The following EHMT1 variants were observed in gnomAD, a reference collection of about 807,000 sequenced individuals.
EHMT1 encodes euchromatic histone lysine methyltransferase 1, also known as histone-lysine N-methyltransferase EHMT1.
Under a neutral mutation model 147.2 loss-of-function variants are expected in EHMT1, and 15 were observed. That is an observed-to-expected ratio of 0.10 (90% CI 0.07 to 0.16). The LOEUF is 0.16. Among genes scored for constraint, EHMT1 ranks in the 10% least tolerant of loss-of-function variants. The pLI, the probability that EHMT1 is intolerant of heterozygous loss-of-function variation, is 1.00. For synonymous variants in EHMT1, 795 were observed against 709.6 expected, an observed-to-expected ratio of 1.12 and a Z score of -1.91; for missense variants, 1,587 against 1,772.4, an observed-to-expected ratio of 0.90 and a Z score of 1.88.
At chr9:137,801,074 T>C in intron 18 of EHMT1, 90 bp downstream of exon 18, 1 of 1,145,268 alleles carries the variant, frequency 8.7e-7, no homozygotes, top group Admixed American at 1.9e-5. Context: ...AGCAGAACCC[T>C]GGCACCTGGT....
At chr9:137,704,849 CCCTTT>C (rs1438173773) in intron 1 of EHMT1, among the ~76,000 whole-genome samples, 1 of 127,550 alleles carries the variant, frequency 7.8e-6, no homozygotes, top group East Asian at 2.6e-4. Context: ...TCCTTTCCTT[CCCTTT>C]CCTTTCTTTG....
intron 25 of EHMT1, among the ~76,000 whole-genome samples, chr9:137,826,479 C>A (rs1955820595): frequency 2.6e-5 from 4 of 152,224 alleles, no homozygotes; most frequent in Admixed American, 2.6e-4. Flanking sequence ...GTTCCTGGGG[C>A]CTGTCTCAGT....
At chr9:137,651,454 T>C (rs906489340) in intron 1 of EHMT1, among the ~76,000 whole-genome samples, 5 of 152,164 alleles carry the variant, frequency 3.3e-5, no homozygotes, top group African/African-American at 1.2e-4. Context: ...TCTCTGTCAG[T>C]GATGGACAAC....
intron 1 of EHMT1, among the ~76,000 whole-genome samples, chr9:137,686,329 T>C (rs887089973): frequency 2.0e-5 from 3 of 152,144 alleles, no homozygotes; most frequent in African/African-American, 7.2e-5. Flanking sequence ...TTGTAAGAGT[T>C]TTATAGTTTT....
Position 137,790,833 on chromosome 9 carries a change from C to T in EHMT1, c.2383-15C>T, listed in dbSNP as rs1325938168. 6.2e-7 allele frequency: 1 copy of T among 1,614,198 alleles called. No individual in the cohort carries two copies. Among genetic ancestry groups the T allele is most frequent in the South Asian group, 1.1e-5 (1 of 91,086 alleles). On this transcript the variant is annotated splice_polypyrimidine_tract_variant and intron_variant, in intron 15 of 26. Coordinates refer to ENST00000460843, the MANE Select transcript of EHMT1 (RefSeq NM_024757.5). ...GTCACAGCCCTCCCATACACCTGAACTGTTGTTTCACTAGGCGGGCGCTAA... is the reference window on the plus strand; with the variant it reads ...GTCACAGCCCTCCCATACACCTGAATTGTTGTTTCACTAGGCGGGCGCTAA...
In EHMT1 at chr9:137,776,947, C is replaced by G. The variant is rs1032227298; in HGVS notation, c.2018+103C>G. 3.7e-6 allele frequency: 4 copies of G among 1,079,940 alleles called. No individual in the cohort carries two copies. Among genetic ancestry groups the G allele is most frequent in the African/African-American group, 1.6e-5 (1 of 63,512 alleles). 66.9% of individuals were successfully genotyped at this position (1,079,940 alleles called of 1,614,324 possible). A position where few individuals can be genotyped will look rare whatever the true frequency, so the allele number is the denominator to read the frequency against. On this transcript the variant is annotated intron_variant, in intron 12 of 26. Coordinates refer to ENST00000460843, the MANE Select transcript of EHMT1 (RefSeq NM_024757.5). The surrounding 1 kb of genome is among the most constrained non-coding windows in gnomAD (Gnocchi z 4.4). Reference sequence around the variant, plus strand: ...TTCCTGCTGTTTTTTCCAGAAGTCTCTGAGCTGATGCTGATGCTTATGGTG... The same window carrying G: ...TTCCTGCTGTTTTTTCCAGAAGTCTGTGAGCTGATGCTGATGCTTATGGTG...
intron 17 of EHMT1, among the ~76,000 whole-genome samples, chr9:137,800,090 C>T (rs3934534): frequency 0.28 from 42,047 of 152,076 alleles, 6,141 homozygotes; most frequent in Admixed American, 0.39. Context: ...GGAGATGTAG[C>T]TTTAATCGTG....
In EHMT1 at chr9:137,763,118, T is replaced by G. The variant is rs1949960806; in HGVS notation, c.1647+298T>G. The stretch of plus-strand genomic sequence containing the variant: ...TTTGTCAAGGTTTTTCCTACCTTGC[T>G]ATAAACAAAGTGAGTAGATTGAGGC... On this transcript the variant is annotated intron_variant, in intron 10 of 26. Transcript: ENST00000460843. 1.5e-5 allele frequency: 9 copies of G among 588,526 alleles called. No individual in the cohort carries two copies. The South Asian group carries it at 1.8e-4, about 12-fold the overall frequency. 36.5% of individuals were successfully genotyped at this position (588,526 alleles called of 1,614,324 possible).
chr9:137,723,523 C>T (rs368103320), intron 3 of EHMT1, among the ~76,000 whole-genome samples: 36 of 67,678 alleles, frequency 5.3e-4, no homozygotes, highest in African/African-American at 1.3e-3. Flanking sequence ...GGGGTGTGTC[C>T]GTGTCTGTGG....
At chr9:137,645,329 T>G (rs1006437719) in intron 1 of EHMT1, among the ~76,000 whole-genome samples, 7 of 152,318 alleles carry the variant, frequency 4.6e-5, no homozygotes, top group Admixed American at 6.5e-5. Context: ...AGGGTGAATA[T>G]TTTTGGAATT....
chr9:137,768,740 G>A (rs927734926), intron 10 of EHMT1, among the ~76,000 whole-genome samples: 4 of 150,908 alleles, frequency 2.7e-5, no homozygotes, highest in South Asian at 2.1e-4. Flanking sequence ...TAGTAGAGAC[G>A]GGGTTTCACC....
intron 18 of EHMT1, among the ~76,000 whole-genome samples, chr9:137,808,406 G>A (rs936242822): frequency 1.3e-5 from 2 of 152,134 alleles, no homozygotes; most frequent in Non-Finnish European, 2.9e-5. Context: ...CAGGGGCACG[G>A]TCCTTCCCTG....
At chr9:137,826,283 T>C (rs954892029) in intron 25 of EHMT1, among the ~76,000 whole-genome samples, 1 of 152,220 alleles carries the variant, frequency 6.6e-6, no homozygotes, top group African/African-American at 2.4e-5. Flanking sequence ...CTTATCTTCT[T>C]CTTTCCCTGT....
intron 9 of EHMT1, among the ~76,000 whole-genome samples, chr9:137,760,708 T>C (rs1049558718): frequency 6.6e-6 from 1 of 152,098 alleles, no homozygotes; most frequent in African/African-American, 2.4e-5. Flanking sequence ...AGCATGGGTG[T>C]TGGTAAAAGA....
intron 18 of EHMT1, among the ~76,000 whole-genome samples, chr9:137,805,119 ATGTG>A (rs922590315): frequency 9.9e-5 from 15 of 150,796 alleles, no homozygotes; most frequent in African/African-American, 3.4e-4. Context: ...AGTCATCTGC[ATGTG>A]TGTGTCTCTC....
intron 1 of EHMT1, among the ~76,000 whole-genome samples, chr9:137,621,846 T>C (rs1056393789): frequency 3.3e-5 from 5 of 152,042 alleles, no homozygotes; most frequent in Admixed American, 6.6e-5. Flanking sequence ...GCTTCTTTAT[T>C]TTTTCTTTTT....
intron 1 of EHMT1, among the ~76,000 whole-genome samples, chr9:137,701,107 T>C (rs1398874805): frequency 6.6e-6 from 1 of 152,100 alleles, no homozygotes; most frequent in South Asian, 2.1e-4. Context: ...CTCATTATCA[T>C]GAGAACAGCA....
intron 1 of EHMT1, among the ~76,000 whole-genome samples, chr9:137,699,377 A>G (rs546686983): frequency 6.6e-6 from 1 of 152,306 alleles, no homozygotes; most frequent in South Asian, 2.1e-4. Flanking sequence ...AAATTAATTC[A>G]GTTAAAAATG....
chr9:137,832,569 C>T (rs1288308136), intron 25 of EHMT1: 2 of 154,734 alleles, frequency 1.3e-5, no homozygotes, highest in Non-Finnish European at 2.9e-5. Flanking sequence ...GCCTTCTCTC[C>T]AGTCCTAGGA....
Sources: gnomAD v4.1 joint callset for allele counts (sites outside exome capture counted in the v4.1 genomes callset) on GRCh38, gnomAD v4.1.1 for gene constraint, Gnocchi (gnomAD v3.1) non-coding constraint, MANE v1.5 for transcripts, NCBI Gene and HGNC (gene_info 2026-07-23, HGNC 2026-07-21) for gene names.